Variants in ZBTB21 observed in about 807,000 individuals in gnomAD.
ZBTB21 encodes zinc finger and BTB domain containing 21, also known as zinc finger and BTB domain-containing protein 21.
Under a neutral mutation model 39.8 loss-of-function variants are expected in ZBTB21, and 10 were observed. The ratio of observed to expected loss-of-function variants is 0.25; its 90% CI spans 0.16 to 0.43. ZBTB21 has a LOEUF of 0.43. Among genes scored for constraint, ZBTB21 ranks in the 20% least tolerant of loss-of-function variants. The pLI, the probability that ZBTB21 is intolerant of heterozygous loss-of-function variation, is 1.00. For synonymous variants in ZBTB21, 551 were observed against 498.8 expected, an observed-to-expected ratio of 1.10 and a Z score of -1.40; for missense variants, 1,221 against 1,296.3, an observed-to-expected ratio of 0.94 and a Z score of 0.89.
In ZBTB21 at chr21:41,992,189, A is replaced by G. The variant is rs1569103403; in HGVS notation, c.1907T>C (p.Ile636Thr). Residue 636 changes from isoleucine to threonine, a missense_variant, in exon 3 of 3, where the codon ATC becomes ACC. Ile to Thr is a moderately conservative substitution (Grantham distance 89). Transcript: ENST00000310826. The surrounding 1 kb of genome is among the most constrained non-coding windows in gnomAD (Gnocchi z 4.1). Reference sequence around the variant, plus strand: ...AGGCTTGCCGCGCCTTAACTTAATGATCAGGGCCTTCTTAATTTCTCTCTC... The same window carrying G: ...AGGCTTGCCGCGCCTTAACTTAATGGTCAGGGCCTTCTTAATTTCTCTCTC... ...VREREIKKAL[I>T]IKLRRGKPGF... is the part of the protein sequence containing the mutation. The G allele has an allele frequency of 6.2e-7, 1 of 1,614,084 alleles. No individual in the cohort carries two copies.
In ZBTB21 at chr21:41,991,133, G is replaced by T. The variant is rs1473930722; in HGVS notation, c.2963C>A (p.Pro988Gln). 6.2e-7 allele frequency: 1 copy of T among 1,614,062 alleles called. No homozygotes were observed. Residue 988 changes from proline (P) to glutamine (Q), a missense_variant, in exon 3 of 3, where the codon CCA becomes CAA. Physicochemically the swap from Pro to Gln is moderately conservative, Grantham distance 76. Transcript: ENST00000310826. This position sits in a 1 kb window ranked among gnomAD's most constrained non-coding sequence, Gnocchi z 4.9. ...PTNSPSPPPL[P>Q]PPPPLPKIQP... ...GATCTTGGGCAGTGGTGGTGGCGGT[G>T]GCAGAGGTGGTGGAGAGGGAGAGTT...
intron 1 of ZBTB21, among the ~76,000 whole-genome samples, chr21:42,006,745 G>C (rs1468515541): frequency 6.6e-6 from 1 of 152,180 alleles, no homozygotes; most frequent in South Asian, 2.1e-4. Context: ...GTCATACTTG[G>C]AGACATGGTC....
intron 2 of ZBTB21, among the ~76,000 whole-genome samples, chr21:42,001,776 T>A (rs955221362): frequency 6.6e-6 from 1 of 152,226 alleles, no homozygotes; most frequent in Admixed American, 6.5e-5. Flanking sequence ...TAACTCAATA[T>A]TGACATCAAC....
chr21:41,997,606 CA>C (rs10709532), intron 2 of ZBTB21, among the ~76,000 whole-genome samples: 39,739 of 148,378 alleles, frequency 0.27, 5,674 homozygotes, highest in Middle Eastern at 0.41. Flanking sequence ...AACAAAAAAA[CA>C]AAAAAAAGAT....
chr21:42,008,554 A>G (rs1232529690), intron 1 of ZBTB21, among the ~76,000 whole-genome samples: 1 of 134,680 alleles, frequency 7.4e-6, no homozygotes, highest in Non-Finnish European at 1.7e-5. Flanking sequence ...AAAAAAAAAA[A>G]AAAAAAAAGA....
chr21:42,002,772 C>G (rs533276073), intron 2 of ZBTB21, 125 bp downstream of exon 2: 1 of 152,260 alleles, frequency 6.6e-6, no homozygotes, highest in South Asian at 2.1e-4. Context: ...GGTGGAAAAA[C>G]CTTGGAGCTC....
At position 41,990,931 on chromosome 21, in the gene ZBTB21, T is replaced by C; in HGVS notation, c.3165A>G (p.Ala1055=). 1 of 1,503,940 alleles carries C rather than the reference T, an allele frequency of 6.6e-7. No individual in the cohort carries two copies. Among genetic ancestry groups the C allele is most frequent in the Non-Finnish European group, 8.9e-7 (1 of 1,128,356 alleles). 93.2% of individuals were successfully genotyped at this position (1,503,940 alleles called of 1,614,324 possible). A position where few individuals can be genotyped will look rare whatever the true frequency, so the allele number is the denominator to read the frequency against. Reference sequence around the variant, plus strand: ...TTTGTTCGTGACTCCAAAGACTAAATGCAGTCTTGAATGTCCTGTGGCAAA... The same window carrying C: ...TTTGTTCGTGACTCCAAAGACTAAACGCAGTCTTGAATGTCCTGTGGCAAA... ...CKLCHRTFKT[A]FSLWSHEQTH... is the part of the protein sequence containing the mutation. The change falls in exon 3 of 3, where the codon GCA becomes GCG. Residue 1055 remains alanine (A), a synonymous_variant. Coordinates refer to ENST00000310826, the MANE Select transcript of ZBTB21 (RefSeq NM_001098402.2).
At position 41,993,285 on chromosome 21, in the gene ZBTB21, C is replaced by T; in HGVS notation, c.811G>A (p.Ala271Thr). 3 of 1,612,882 alleles carry T rather than the reference C, an allele frequency of 1.9e-6. No individual in the cohort carries two copies. Among genetic ancestry groups the T allele is most frequent in the Non-Finnish European group, 2.5e-6 (3 of 1,180,018 alleles). The change falls in exon 3 of 3, where the codon GCT becomes ACT. Residue 271 changes from alanine (A) to threonine (T), a missense_variant. By Grantham distance (58) the Ala-to-Thr change is moderately conservative (BLOSUM62 0). Around this residue, in one of 4 missense-constraint regions of ZBTB21, gnomAD observed 500 missense variants for 465.6 expected, o/e 1.07. Coordinates refer to ENST00000310826, the MANE Select transcript of ZBTB21 (RefSeq NM_001098402.2). ...QLPKGKALEL[A>T]LKRPRPPVLS... The stretch of plus-strand genomic sequence containing the variant: ...ACAGGTGGCCGTGGTCTCTTCAAAG[C>T]CAGCTCTAGAGCTTTTCCTTTTGGA...
rs775749104 is a variant in ZBTB21, at chr21:41,993,957, C to A, written c.139G>T (p.Val47Phe). Residue 47 changes from valine (V) to phenylalanine (F), a missense_variant, in exon 3 of 3, where the codon GTC becomes TTC. By Grantham distance (50) the Val-to-Phe change is conservative. Transcript: ENST00000310826. ...GDQKFRAHKN[V>F]LAASSEYFQS... ...AAGTATTCGCTGCTGGCAGCCAAGA[C>A]GTTTTTATGAGCTCGGAACTTTTGG... The A allele has an allele frequency of 6.2e-7, 1 of 1,614,148 alleles. No homozygotes were observed. Among genetic ancestry groups the A allele is most frequent in the African/African-American group, 1.3e-5 (1 of 74,946 alleles).
chr21:41,992,300 C>T lies in ZBTB21; in HGVS notation c.1796G>A (p.Gly599Asp). 1 of 1,614,178 alleles carries T rather than the reference C, an allele frequency of 6.2e-7. No individual in the cohort carries two copies. The highest frequency in any genetic ancestry group is 8.5e-7 in the Non-Finnish European group (1 of 1,180,030). Residue 599 changes from glycine to aspartate, a missense_variant, in exon 3 of 3, where the codon GGC becomes GAC. Physicochemically the swap from Gly to Asp is moderately conservative, Grantham distance 94 (BLOSUM62 -1). This residue lies in a region of ZBTB21 where 90 missense variants were observed against 133.1 expected (regional missense o/e 0.68). Coordinates refer to ENST00000310826, the MANE Select transcript of ZBTB21 (RefSeq NM_001098402.2). The surrounding 1 kb of genome is among the most constrained non-coding windows in gnomAD (Gnocchi z 4.1). The stretch of plus-strand genomic sequence containing the variant: ...GGCTGGTGATGGGTTCTTCACTATG[C>T]CGTGTTGGGTCTGACAGTGTGTCCA... ...KVWTHCQTQH[G>D]IVKNPSPASS...
At chr21:41,997,443 G>A (rs934687571) in intron 2 of ZBTB21, among the ~76,000 whole-genome samples, 2 of 151,900 alleles carry the variant, frequency 1.3e-5, no homozygotes, top group Non-Finnish European at 2.9e-5. Flanking sequence ...GAGGGTGGTG[G>A]CATGTGCCTG....
chr21:41,992,745 C>T lies in ZBTB21; in HGVS notation c.1351G>A (p.Ala451Thr), dbSNP rs373472839. The change falls in exon 3 of 3, where the codon GCG becomes ACG. Residue 451 changes from alanine (A) to threonine (T), a missense_variant. This residue lies in a region of ZBTB21 where 500 missense variants were observed against 465.6 expected (regional missense o/e 1.07). Transcript: ENST00000310826. This position sits in a 1 kb window ranked among gnomAD's most constrained non-coding sequence, Gnocchi z 4.1. The stretch of plus-strand genomic sequence containing the variant: ...GATGAGGCAGCTGCTGTTGTTGCCG[C>T]ATCTCCCACAGTGACGCGGATGATG... ...SDIIRVTVGD[A>T]ATTAAASSSS... 4.5e-5 allele frequency: 72 copies of T among 1,614,048 alleles called. No homozygotes were observed. Among genetic ancestry groups the T allele is most frequent in the Non-Finnish European group, 5.8e-5 (68 of 1,180,048 alleles).
intron 1 of ZBTB21, among the ~76,000 whole-genome samples, chr21:42,008,695 G>GTTT (rs2065915574): frequency 6.6e-6 from 1 of 151,922 alleles, no homozygotes; most frequent in East Asian, 1.9e-4. Flanking sequence ...ATTCAACAGT[G>GTTT]TAAGTTCCTC....
At chr21:42,001,408 TATCAATTTAACAA>T (rs1360049381) in intron 2 of ZBTB21, among the ~76,000 whole-genome samples, 1 of 152,218 alleles carries the variant, frequency 6.6e-6, no homozygotes, top group Non-Finnish European at 1.5e-5. Context: ...ACATGGAAGA[TATCAATTTAACAA>T]GTATGGCCCT....
At chr21:42,003,375 A>G (rs1294678460) in intron 1 of ZBTB21, among the ~76,000 whole-genome samples, 1 of 152,178 alleles carries the variant, frequency 6.6e-6, no homozygotes, top group Non-Finnish European at 1.5e-5. Flanking sequence ...TCACATTTCC[A>G]TGTTAGGACA....
In ZBTB21 at chr21:41,992,699, A is replaced by G. The variant is rs764534410; in HGVS notation, c.1397T>C (p.Leu466Pro). 6.2e-7 allele frequency: 1 copy of G among 1,614,192 alleles called. No individual in the cohort carries two copies. The highest frequency in any genetic ancestry group is 8.5e-7 in the Non-Finnish European group (1 of 1,180,042). Reference sequence around the variant, plus strand: ...TTGGTCATCTTCTGTTTTCAGAGACAGGTCTCTTGTGACCGACGAAGATGA... The same window carrying G: ...TTGGTCATCTTCTGTTTTCAGAGACGGGTCTCTTGTGACCGACGAAGATGA... ...AASSSSVTRD[L>P]SLKTEDDQKD... Residue 466 changes from leucine to proline, a missense_variant, in exon 3 of 3, where the codon CTG (leucine) becomes CCG (proline). Physicochemically the swap from Leu to Pro is moderately conservative, Grantham distance 98. Around this residue, in one of 4 missense-constraint regions of ZBTB21, gnomAD observed 500 missense variants for 465.6 expected, o/e 1.07. Transcript: ENST00000310826. This position sits in a 1 kb window ranked among gnomAD's most constrained non-coding sequence, Gnocchi z 4.1.
At chr21:42,002,840 A>C (rs1241358482) in intron 2 of ZBTB21, 57 bp downstream of exon 2, 1 of 152,200 alleles carries the variant, frequency 6.6e-6, no homozygotes, top group Non-Finnish European at 1.5e-5. Flanking sequence ...AACAGAAAAA[A>C]CTAAGAGGAA....
intron 2 of ZBTB21, among the ~76,000 whole-genome samples, chr21:41,997,127 G>A (rs2065757089): frequency 6.6e-6 from 1 of 151,996 alleles, no homozygotes; most frequent in African/African-American, 2.4e-5. Flanking sequence ...TCACTATGTT[G>A]CTCAGGCTGG....
In ZBTB21 at chr21:41,993,227, T is replaced by C. The variant is rs371804389; in HGVS notation, c.869A>G (p.Tyr290Cys). The change falls in exon 3 of 3, where the codon TAT (tyrosine) becomes TGT (cysteine). Residue 290 changes from tyrosine (Y) to cysteine (C), a missense_variant. By Grantham distance (194) the Tyr-to-Cys change is radical (BLOSUM62 -2). This residue lies in a region of ZBTB21 where 500 missense variants were observed against 465.6 expected (regional missense o/e 1.07). Transcript: ENST00000310826. ...TCCTTTGTTAGTTTCTTTTAATAGA[T>C]AGGGAGTCTCTGATGAGCTACAAAC... Reference protein sequence around the residue: ...LSVCSSSETPYLLKETNKGNG... With the variant: ...LSVCSSSETPCLLKETNKGNG... The C allele has an allele frequency of 8.7e-6, 14 of 1,611,920 alleles. No individual in the cohort carries two copies. The highest frequency in any genetic ancestry group is 5.0e-5 in the Admixed American group (3 of 60,030).
Sources: gnomAD v4.1 joint callset for allele counts (sites outside exome capture counted in the v4.1 genomes callset) on GRCh38, gnomAD v4.1.1 for gene constraint, gnomAD v4.1.1 regional missense constraint, Gnocchi (gnomAD v3.1) non-coding constraint, MANE v1.5 for transcripts, NCBI Gene and HGNC (gene_info 2026-07-23, HGNC 2026-07-21) for gene names.